XKR6: variants seen among roughly 807,000 people sequenced by gnomAD.
The protein encoded by XKR6 is XK related 6.
XKR6 carries 22 observed loss-of-function variants against 56.7 expected under a neutral mutation model. The observed-to-expected ratio is 0.39, with a 90% CI of 0.28 to 0.55. The LOEUF (loss-of-function observed/expected upper bound fraction) is 0.55. Ranked by LOEUF, XKR6 falls within the 20% of genes least tolerant of loss-of-function variation. The pLI is 0.66. For synonymous variants in XKR6, 524 were observed against 387.8 expected (o/e 1.35, Z -4.13); for missense variants, 852 against 889.0 (o/e 0.96, Z 0.53).
chr8:11,201,495 AC>A lies in XKR6; in HGVS notation c.-157del, dbSNP rs778231503. On this transcript the variant is annotated 5_prime_UTR_variant, in exon 1 of 3. Transcript: ENST00000416569. ...GAACGAGGGGGGAGTGGGCCAGGGA[AC>A]CCCCTCCGCTTCCGGGTAGTTGGCG... The A allele has an allele frequency of 1.1e-5, 6 of 543,488 alleles. No individual in the cohort carries two copies. Among genetic ancestry groups the A allele is most frequent in the Non-Finnish European group, 1.9e-5 (6 of 311,596 alleles). The allele number at this position is 543,488 out of a possible 1,614,324, so 33.7% of individuals were successfully genotyped here.
chr8:11,108,152 A>T, intron 1 of XKR6: 1 of 375,216 alleles, frequency 2.7e-6, no homozygotes, highest in Non-Finnish European at 5.2e-6. Flanking sequence ...ATTTCTAATC[A>T]GATAATCGGG....
At chr8:11,105,000 C>T (rs1466266610) in intron 1 of XKR6, 1 of 152,112 alleles carries the variant, frequency 6.6e-6, no homozygotes, top group Non-Finnish European at 1.5e-5. Flanking sequence ...CTACCACATT[C>T]GGTTTTTAAA....
At chr8:11,059,257 C>T (rs899292684) in intron 1 of XKR6, among the ~76,000 whole-genome samples, 6 of 151,618 alleles carry the variant, frequency 4.0e-5, no homozygotes, top group African/African-American at 1.5e-4. Flanking sequence ...GTAGGCCGGG[C>T]CCAGCGCGGT....
chr8:10,956,553 G>A (rs10096624), intron 1 of XKR6, among the ~76,000 whole-genome samples: 26,964 of 152,188 alleles, frequency 0.18, 3,197 homozygotes, highest in African/African-American at 0.34. Context: ...ACAGCGCTAA[G>A]CATGGCACTC....
chr8:11,179,012 TTC>T (rs1390041674), intron 1 of XKR6, among the ~76,000 whole-genome samples: 1 of 140,464 alleles, frequency 7.1e-6, no homozygotes, highest in Non-Finnish European at 1.5e-5. Context: ...CTGGCTAATT[TTC>T]TTTTTCTTTT....
At chr8:11,188,852 G>T (rs1803406835) in intron 1 of XKR6, among the ~76,000 whole-genome samples, 1 of 152,110 alleles carries the variant, frequency 6.6e-6, no homozygotes, top group African/African-American at 2.4e-5. Context: ...CTGGCCCTGA[G>T]CTTCTCCGTT....
At chr8:11,155,095 A>C (rs536597495) in intron 1 of XKR6, among the ~76,000 whole-genome samples, 1 of 152,302 alleles carries the variant, frequency 6.6e-6, no homozygotes, top group South Asian at 2.1e-4. Flanking sequence ...GCCCCCAACC[A>C]CTGGCACCTG....
intron 1 of XKR6, among the ~76,000 whole-genome samples, chr8:10,941,945 C>A (rs1280854320): frequency 6.6e-6 from 1 of 152,208 alleles, no homozygotes; most frequent in Non-Finnish European, 1.5e-5. Flanking sequence ...CCCTTTGTGG[C>A]CAAGAACTGT....
At chr8:10,932,095 T>G (rs1489550946) in intron 1 of XKR6, among the ~76,000 whole-genome samples, 1 of 151,994 alleles carries the variant, frequency 6.6e-6, no homozygotes, top group Non-Finnish European at 1.5e-5. Flanking sequence ...AGAAGGGAGC[T>G]CAACGTTACA....
chr8:10,914,763 C>T (rs1378856213), intron 2 of XKR6, among the ~76,000 whole-genome samples: 2 of 147,714 alleles, frequency 1.4e-5, no homozygotes, highest in African/African-American at 2.5e-5. Context: ...CCTGGTAAGA[C>T]CCTGGGGCAG....
chr8:10,951,496 C>T (rs1056249914), intron 1 of XKR6, among the ~76,000 whole-genome samples: 4 of 152,176 alleles, frequency 2.6e-5, no homozygotes, highest in South Asian at 2.1e-4. Context: ...GGTTTTAGTC[C>T]CAAACAGCAG....
chr8:10,933,102 GATGAT>G (rs1327857962), intron 1 of XKR6, among the ~76,000 whole-genome samples: 5 of 151,628 alleles, frequency 3.3e-5, no homozygotes, highest in Non-Finnish European at 5.9e-5. Context: ...ACTGGTGTGA[GATGAT>G]ATCTCATAGT....
At chr8:11,174,076 C>A (rs1459579811) in intron 1 of XKR6, among the ~76,000 whole-genome samples, 2 of 152,224 alleles carry the variant, frequency 1.3e-5, no homozygotes, top group African/African-American at 2.4e-5. Flanking sequence ...AATAAAACCA[C>A]CACTGATCAG....
At chr8:11,055,249 A>C (rs1306588755) in intron 1 of XKR6, among the ~76,000 whole-genome samples, 1 of 152,090 alleles carries the variant, frequency 6.6e-6, no homozygotes, top group African/African-American at 2.4e-5. Context: ...GGTGGATGAA[A>C]GGATATCACT....
chr8:11,183,440 T>C (rs1304645831), intron 1 of XKR6, among the ~76,000 whole-genome samples: 1 of 151,956 alleles, frequency 6.6e-6, no homozygotes, highest in Non-Finnish European at 1.5e-5. Flanking sequence ...GCCTCTCAAG[T>C]AGATGGGACT....
At chr8:11,172,357 C>T (rs1459427099) in intron 1 of XKR6, among the ~76,000 whole-genome samples, 3 of 152,096 alleles carry the variant, frequency 2.0e-5, no homozygotes, top group Admixed American at 6.6e-5. Flanking sequence ...TCGACAGACC[C>T]TGTCTCAAAA....
At position 11,200,974 on chromosome 8, in the gene XKR6, C is replaced by T. The variant is rs1408541589; in HGVS notation, c.366G>A (p.Val122=). 3 of 1,500,238 alleles carry T rather than the reference C, an allele frequency of 2.0e-6. No homozygotes were observed. 92.9% of individuals were successfully genotyped at this position (1,500,238 alleles called of 1,614,324 possible). A position where few individuals can be genotyped will look rare whatever the true frequency, so the allele number is the denominator to read the frequency against. ...AARPEPPPPQ[V]ERPWLDCLWI... is the part of the protein sequence containing the mutation. ...ACAGGCAGTCGAGCCACGGCCGCTC[C>T]ACCTGCGGCGGCGGCGGCTCCGGCC... Residue 122 remains valine, a synonymous_variant, in exon 1 of 3, where the codon GTG becomes GTA. Coordinates refer to ENST00000416569, the MANE Select transcript of XKR6 (RefSeq NM_173683.4). This position sits in a 1 kb window ranked among gnomAD's most constrained non-coding sequence, Gnocchi z 6.4.
At chr8:11,180,529 G>C (rs913413159) in intron 1 of XKR6, among the ~76,000 whole-genome samples, 18 of 152,196 alleles carry the variant, frequency 1.2e-4, no homozygotes, top group Non-Finnish European at 8.8e-5. Context: ...ATCCCTGGTG[G>C]AGAACAAGTA....
chr8:11,030,805 C>T (rs1563356342), intron 1 of XKR6, among the ~76,000 whole-genome samples: 1 of 152,204 alleles, frequency 6.6e-6, no homozygotes, highest in Non-Finnish European at 1.5e-5. Context: ...CCTCCCTACT[C>T]CAATGCCCTC....
Sources: gnomAD v4.1 joint callset for allele counts (sites outside exome capture counted in the v4.1 genomes callset) on GRCh38, gnomAD v4.1.1 for gene constraint, Gnocchi (gnomAD v3.1) non-coding constraint, MANE v1.5 for transcripts, NCBI Gene and HGNC (gene_info 2026-07-23, HGNC 2026-07-21) for gene names.